The following TCF7 variants were observed in gnomAD, a reference collection of about 807,000 sequenced individuals.
TCF7 encodes the protein T-cell-factor-7.
TCF7 carries 19 observed loss-of-function variants against 46.8 expected under a neutral mutation model. The ratio of observed to expected loss-of-function variants is 0.41; its 90% confidence interval spans 0.28 to 0.60. TCF7 has a LOEUF of 0.60. Among genes scored for constraint, TCF7 ranks in the 20% least tolerant of loss-of-function variants. The pLI, the probability that TCF7 is intolerant of heterozygous loss-of-function variation, is 0.35. For synonymous variants in TCF7, 245 were observed against 213.4 expected (o/e 1.15, Z -1.29); for missense variants, 547 against 504.6 (o/e 1.08, Z -0.81).
Position 134,115,316 on chromosome 5 carries a change from T to C in TCF7, c.250-5T>C, listed in dbSNP as rs1275241601. 1 of 1,564,016 alleles carries C rather than the reference T, an allele frequency of 6.4e-7. No homozygotes were observed. The highest frequency in any genetic ancestry group is 1.2e-5 in the South Asian group (1 of 85,872). ...CCCCTCACTCCCCTCCGGTTCTCCC[T>C]CCAGGCTCTCGGGCGGGAACACGCT... On this transcript the variant is annotated splice_polypyrimidine_tract_variant and splice_region_variant and intron_variant, in intron 1 of 9. Coordinates refer to ENST00000342854, the MANE Select transcript of TCF7 (RefSeq NM_003202.5).
intron 3 of TCF7, among the ~76,000 whole-genome samples, chr5:134,122,773 G>C (rs930323395): frequency 4.6e-5 from 7 of 152,184 alleles, no homozygotes; most frequent in Non-Finnish European, 7.3e-5. Context: ...TACAAACAAG[G>C]CTCTGGTGGA....
intron 3 of TCF7, among the ~76,000 whole-genome samples, chr5:134,129,233 A>G (rs1470015183): frequency 1.3e-5 from 2 of 152,114 alleles, no homozygotes; most frequent in Non-Finnish European, 2.9e-5. Context: ...AGACTGAGAC[A>G]CTCAGTTGGC....
At chr5:134,125,193 T>A (rs1757178644) in intron 3 of TCF7, among the ~76,000 whole-genome samples, 1 of 152,328 alleles carries the variant, frequency 6.6e-6, no homozygotes, top group African/African-American at 2.4e-5. Flanking sequence ...CGAGGGATTC[T>A]GACTAACTCT....
In TCF7 at chr5:134,114,721, C is replaced by G. The variant is rs879053568; in HGVS notation, c.-186C>G. 3 of 445,470 alleles carry G rather than the reference C, an allele frequency of 6.7e-6. No homozygotes were observed. The highest frequency in any genetic ancestry group is 1.6e-4 in the East Asian group (1 of 6,212). The allele number at this position is 445,470 out of a possible 1,614,324, so 27.6% of individuals were successfully genotyped here. A position where few individuals can be genotyped will look rare whatever the true frequency, so the allele number is the denominator to read the frequency against. On this transcript the variant is annotated 5_prime_UTR_variant, in exon 1 of 10. Coordinates refer to ENST00000342854, the MANE Select transcript of TCF7 (RefSeq NM_003202.5). Reference sequence around the variant, plus strand: ...CCTTTGATGTTCCGACCCGCCAGCTCGCGGAGCCGCTCTGCCCCGCGCCCT... The same window carrying G: ...CCTTTGATGTTCCGACCCGCCAGCTGGCGGAGCCGCTCTGCCCCGCGCCCT...
At position 134,114,730 on chromosome 5, in the gene TCF7, G is replaced by A. The variant is rs2149260278; in HGVS notation, c.-177G>A. 3.8e-6 allele frequency: 2 copies of A among 526,024 alleles called. No homozygotes were observed. Among genetic ancestry groups the A allele is most frequent in the Admixed American group, 6.7e-5 (1 of 14,930 alleles). 32.6% of individuals were successfully genotyped at this position (526,024 alleles called of 1,614,324 possible). A position where few individuals can be genotyped will look rare whatever the true frequency, so the allele number is the denominator to read the frequency against. On this transcript the variant is annotated 5_prime_UTR_variant, in exon 1 of 10. Coordinates refer to ENST00000342854, the MANE Select transcript of TCF7 (RefSeq NM_003202.5). Reference sequence around the variant, plus strand: ...TTCCGACCCGCCAGCTCGCGGAGCCGCTCTGCCCCGCGCCCTAGCCCGCGC... The same window carrying A: ...TTCCGACCCGCCAGCTCGCGGAGCCACTCTGCCCCGCGCCCTAGCCCGCGC...
At chr5:134,144,770 C>G (rs766454850) in intron 9 of TCF7, 12 of 1,605,422 alleles carry the variant, frequency 7.5e-6, no homozygotes, top group Non-Finnish European at 7.7e-6. Flanking sequence ...CTGCCCTGCT[C>G]TACCCCTCTG....
chr5:134,143,343 G>A (rs768399470), intron 8 of TCF7: 1 of 777,554 alleles, frequency 1.3e-6, no homozygotes, highest in Non-Finnish European at 2.3e-6. Context: ...CACATGGGCA[G>A]AAGGGGAGAA....
At position 134,142,978 on chromosome 5, in the gene TCF7, T is replaced by A; in HGVS notation, c.919-15T>A. 6.2e-7 allele frequency: 1 copy of A among 1,613,754 alleles called. No individual in the cohort carries two copies. The highest frequency in any genetic ancestry group is 1.1e-5 in the South Asian group (1 of 91,066). On this transcript the variant is annotated splice_polypyrimidine_tract_variant and intron_variant, in intron 7 of 9. Transcript: ENST00000342854. ...CTCCCTGATGCACCCCACCTGCCCC[T>A]CTTCCCTGTTGCAGTGGCACGCGCT... is the stretch of plus-strand genomic sequence containing the variant.
At chr5:134,128,150 T>C (rs1198972223) in intron 3 of TCF7, among the ~76,000 whole-genome samples, 1 of 152,206 alleles carries the variant, frequency 6.6e-6, no homozygotes, top group Non-Finnish European at 1.5e-5. Context: ...CAGCCACAGC[T>C]GGGTGCCTGG....
intron 3 of TCF7, among the ~76,000 whole-genome samples, chr5:134,135,376 G>A (rs765634543): frequency 6.6e-6 from 1 of 152,204 alleles, no homozygotes; most frequent in Non-Finnish European, 1.5e-5. Context: ...CTGGCGGAGG[G>A]GCAGGAGAGA....
the TCF7 span, among the ~76,000 whole-genome samples, chr5:134,109,300 G>A: frequency 6.6e-6 from 1 of 152,278 alleles, no homozygotes; most frequent in Admixed American, 6.5e-5. Flanking sequence ...GTGTGTCTGA[G>A]GCTGTCTCCC....
intron 3 of TCF7, among the ~76,000 whole-genome samples, chr5:134,121,695 C>T (rs540913065): frequency 4.6e-5 from 7 of 152,198 alleles, no homozygotes; most frequent in Non-Finnish European, 7.3e-5. Flanking sequence ...TGTGGGCAGC[C>T]TCCTTGCTTG....
At chr5:134,142,164 T>TA in intron 5 of TCF7, 21 bp from the exon 6 acceptor site, 1 of 1,613,992 alleles carries the variant, frequency 6.2e-7, no homozygotes, top group Non-Finnish European at 8.5e-7. Flanking sequence ...GGCTCAGTGT[T>TA]AACTTTCTTC....
At chr5:134,137,993 C>A in intron 3 of TCF7, 66 bp from the exon 4 acceptor site, 2 of 1,340,770 alleles carry the variant, frequency 1.5e-6, no homozygotes, top group Non-Finnish European at 2.1e-6. Context: ...TCCTGTATAC[C>A]CTCATCCCAG....
rs369717473 is a variant in TCF7 at position 134,146,244 on chromosome 5, G to A, written c.1096G>A (p.Gly366Ser). 41 of 1,614,020 alleles carry A rather than the reference G, an allele frequency of 2.5e-5. No homozygotes were observed. The highest frequency in any genetic ancestry group is 1.2e-4 in the African/African-American group (9 of 74,892). Residue 366 changes from glycine to serine, a missense_variant, in exon 10 of 10, where the codon GGT (glycine) becomes AGT (serine). Physicochemically the swap from Gly to Ser is moderately conservative, Grantham distance 56 (BLOSUM62 0). This residue lies in a region of TCF7 where 90 missense variants were observed against 88.8 expected (regional missense o/e 1.01). Coordinates refer to ENST00000342854, the MANE Select transcript of TCF7 (RefSeq NM_003202.5). ...STTGGKRNAFGTYPEKAAAPA... is the reference protein window; with the variant it reads ...STTGGKRNAFSTYPEKAAAPA... Reference sequence around the variant, plus strand: ...CCTAGGAGGAAAAAGAAATGCATTCGGTACTTACCCGGAGAAGGCCGCTGC... The same window carrying A: ...CCTAGGAGGAAAAAGAAATGCATTCAGTACTTACCCGGAGAAGGCCGCTGC...
At chr5:134,143,358 G>A (rs765490630) in intron 8 of TCF7, 2 of 781,556 alleles carry the variant, frequency 2.6e-6, no homozygotes, top group Non-Finnish European at 4.6e-6. Flanking sequence ...GGAGAAAGGG[G>A]TCTGGAAGTC....
chr5:134,133,618 A>T (rs1402210713), intron 3 of TCF7, among the ~76,000 whole-genome samples: 1 of 152,054 alleles, frequency 6.6e-6, no homozygotes, highest in African/African-American at 2.4e-5. Context: ...CCGGGCGCAA[A>T]GCGGGCTGGG....
At chr5:134,127,530 A>G (rs73790159) in intron 3 of TCF7, among the ~76,000 whole-genome samples, 7,186 of 152,214 alleles carry the variant, frequency 0.047, 481 homozygotes, top group African/African-American at 0.15. Context: ...CCTCTGTGTG[A>G]TCCCGGGCTG....
At chr5:134,115,622 C>T in intron 2 of TCF7, 1 of 1,433,044 alleles carries the variant, frequency 7.0e-7, no homozygotes, top group Non-Finnish European at 9.1e-7. Context: ...CGCCTCCCCT[C>T]CTGCCCAGGT....
Sources: allele counts gnomAD v4.1 joint callset (sites outside exome capture counted in the v4.1 genomes callset), GRCh38; gene constraint gnomAD v4.1.1; regional missense constraint gnomAD v4.1.1; transcripts MANE v1.5; gene names NCBI Gene and HGNC (gene_info 2026-07-23, HGNC 2026-07-21).